The following ACSL3 variants were observed in gnomAD, a reference collection of about 807,000 sequenced individuals.
The protein encoded by ACSL3 is acyl-CoA synthetase long chain family member 3, also known as fatty acid CoA ligase Acsl3.
Under a neutral mutation model 84.7 loss-of-function variants are expected in ACSL3, and 34 were observed. The ratio of observed to expected loss-of-function variants is 0.40; its 90% confidence interval spans 0.31 to 0.53. ACSL3 has a LOEUF of 0.53. ACSL3 is among the 20% of genes least tolerant of loss of function. The probability of loss-of-function intolerance (pLI) is 0.48; values close to 1 mark genes in which losing one functional copy is unlikely to be tolerated. For missense variants in ACSL3, 680 were observed against 873.1 expected (o/e 0.78, Z 2.79); for synonymous variants, 315 against 299.4 (o/e 1.05, Z -0.54).
In ACSL3 at chr2:222,913,200, G is replaced by T. The variant is rs1034428629; in HGVS notation, c.379-3119G>T. ...TTCACTATGACATTCCTTCTAAATT[G>T]ATCCAAAAAGATAATAGAAACACTC... On this transcript the variant is annotated intron_variant, in intron 4 of 16. Coordinates refer to ENST00000357430, the MANE Select transcript of ACSL3 (RefSeq NM_004457.5). 3.3e-5 allele frequency among the ~76,000 whole-genome samples: 5 copies of T among 152,128 alleles called. 1 individual carries two copies. The highest frequency in any genetic ancestry group is 1.2e-4 in the African/African-American group (5 of 41,416).
chr2:222,938,972 T>A (rs938923323), intron 16 of ACSL3, among the ~76,000 whole-genome samples: 1 of 152,162 alleles, frequency 6.6e-6, no homozygotes, highest in Non-Finnish European at 1.5e-5. Context: ...TTTAAAAAAA[T>A]TTCTTTCATT....
chr2:222,937,723 C>T (rs966340240), intron 16 of ACSL3, among the ~76,000 whole-genome samples: 2 of 152,046 alleles, frequency 1.3e-5, no homozygotes, highest in Admixed American at 1.3e-4. Context: ...ATGGCATATA[C>T]TTGAGTCTTG....
chr2:222,932,195 G>A lies in ACSL3; in HGVS notation c.1733-971G>A, dbSNP rs553137103. Reference sequence around the variant, plus strand: ...TTTGCATTATGCATGTCTCCAGATAGGTTGTGAACTTGCAGATGGCATTGA... The same window carrying A: ...TTTGCATTATGCATGTCTCCAGATAAGTTGTGAACTTGCAGATGGCATTGA... On this transcript the variant is annotated intron_variant, in intron 14 of 16. Coordinates refer to ENST00000357430, the MANE Select transcript of ACSL3 (RefSeq NM_004457.5). Among the ~76,000 whole-genome samples the A allele has an allele frequency of 1.1e-3, 163 of 152,342 alleles. 1 individual carries two copies. Among genetic ancestry groups the A allele is most frequent in the Middle Eastern group, 3.4e-3 (1 of 294 alleles).
At chr2:222,889,187 G>A (rs1188955971) in intron 2 of ACSL3, among the ~76,000 whole-genome samples, 4 of 152,140 alleles carry the variant, frequency 2.6e-5, no homozygotes, top group African/African-American at 4.8e-5. Context: ...CTAGGTTTGT[G>A]TAGGTGAAGA....
intron 3 of ACSL3, among the ~76,000 whole-genome samples, chr2:222,906,909 C>T (rs1696308385): frequency 6.6e-6 from 1 of 152,168 alleles, no homozygotes; most frequent in Admixed American, 6.5e-5. Flanking sequence ...TGCTTACCAC[C>T]AATGTCTGTG....
chr2:222,890,247 T>C (rs1695812790), intron 2 of ACSL3, among the ~76,000 whole-genome samples: 1 of 152,144 alleles, frequency 6.6e-6, no homozygotes, highest in South Asian at 2.1e-4. Flanking sequence ...AACTGGGCTT[T>C]TGGGGGTGGG....
At chr2:222,916,287 T>G in intron 4 of ACSL3, 32 bp from the exon 5 acceptor site, 1 of 1,374,018 alleles carries the variant, frequency 7.3e-7, no homozygotes, top group Non-Finnish European at 9.6e-7. Flanking sequence ...TTATTTTGAT[T>G]ACATTAAAAA....
At chr2:222,923,607 G>T (rs1176321316) in intron 10 of ACSL3, among the ~76,000 whole-genome samples, 2 of 152,150 alleles carry the variant, frequency 1.3e-5, no homozygotes, top group East Asian at 3.8e-4. Context: ...AAGAGGGGCT[G>T]TTCATCCTTA....
intron 7 of ACSL3, 102 bp from the exon 8 acceptor site, chr2:222,921,178 C>G (rs2106128871): frequency 7.5e-7 from 1 of 1,329,670 alleles, no homozygotes; most frequent in Non-Finnish European, 1.1e-6. Flanking sequence ...GTTAAATTAA[C>G]TCAATTTGAT....
chr2:222,933,329 A>G (rs775952829), intron 15 of ACSL3, 49 bp downstream of exon 15: 14 of 1,376,788 alleles, frequency 1.0e-5, no homozygotes, highest in African/African-American at 1.4e-5. Flanking sequence ...TTTGATGTCC[A>G]TAGACATTTC....
intron 14 of ACSL3, 120 bp from the exon 15 acceptor site, chr2:222,933,046 A>T: frequency 3.3e-6 from 2 of 601,162 alleles, no homozygotes; most frequent in South Asian, 2.8e-5. Context: ...TTAATTTTGC[A>T]AAGTTTTAAA....
chr2:222,916,712 T>G (rs1696593713), intron 5 of ACSL3: 1 of 386,948 alleles, frequency 2.6e-6, no homozygotes. Flanking sequence ...CTTGAACCTC[T>G]TCATGGGAGA....
chr2:222,924,352 T>C (rs1696819262), intron 10 of ACSL3, 104 bp from the exon 11 acceptor site: 1 of 1,095,334 alleles, frequency 9.1e-7, no homozygotes, highest in Non-Finnish European at 1.2e-6. Context: ...AGAGTACTTC[T>C]TTTAAAATGC....
chr2:222,873,739 T>G (rs1432022826), intron 1 of ACSL3, among the ~76,000 whole-genome samples: 2 of 152,244 alleles, frequency 1.3e-5, no homozygotes, highest in East Asian at 3.8e-4. Context: ...AGTGGTTGTA[T>G]AATAATCTAC....
At chr2:222,904,523 G>A (rs1466156972) in intron 3 of ACSL3, 1 of 152,356 alleles carries the variant, frequency 6.6e-6, no homozygotes, top group African/African-American at 2.4e-5. Context: ...GGTCATAGTG[G>A]ACACATACTG....
At position 222,918,085 on chromosome 2, in the gene ACSL3, T is replaced by C; in HGVS notation, c.596T>C (p.Val199Ala). Residue 199 changes from valine to alanine, a missense_variant, in exon 6 of 17, where the codon GTT (valine) becomes GCT (alanine). Val to Ala is a moderately conservative substitution (Grantham distance 64). This residue lies in a region of ACSL3 where 333 missense variants were observed against 347.5 expected (regional missense o/e 0.96). Coordinates refer to ENST00000357430, the MANE Select transcript of ACSL3 (RefSeq NM_004457.5). ...LYATLGGPAIVHALNETEVTN... is the reference protein window; with the variant it reads ...LYATLGGPAIAHALNETEVTN... ...GCCACTCTAGGAGGTCCAGCCATTG[T>C]TCATGCATTAAATGAAACAGAGGTG... is the stretch of plus-strand genomic sequence containing the variant. The C allele has an allele frequency of 6.2e-7, 1 of 1,612,870 alleles. No homozygotes were observed. Among genetic ancestry groups the C allele is most frequent in the East Asian group, 2.2e-5 (1 of 44,752 alleles).
chr2:222,911,580 C>T (rs1363197240), intron 4 of ACSL3, among the ~76,000 whole-genome samples: 9 of 152,086 alleles, frequency 5.9e-5, no homozygotes, highest in South Asian at 2.1e-4. Flanking sequence ...CGTTTTTCTC[C>T]GGTATCCCAC....
intron 1 of ACSL3, among the ~76,000 whole-genome samples, chr2:222,879,780 A>T (rs1272028008): frequency 6.6e-6 from 1 of 152,206 alleles, no homozygotes; most frequent in Non-Finnish European, 1.5e-5. Flanking sequence ...ACAGTATCAC[A>T]TATGTGAAAC....
rs939066793 is a variant in ACSL3, at chr2:222,943,256, A to G, written c.*1602A>G. 1 of 167,000 alleles carries G rather than the reference A, an allele frequency of 6.0e-6. No individual in the cohort carries two copies. The highest frequency in any genetic ancestry group is 1.2e-5 in the Non-Finnish European group (1 of 84,188). 10.3% of individuals were successfully genotyped at this position (167,000 alleles called of 1,614,324 possible). A position where few individuals can be genotyped will look rare whatever the true frequency, so the allele number is the denominator to read the frequency against. Reference sequence around the variant, plus strand: ...TTGTTTTCAACTTTTCTTGTATTGTATATTTGTATTATGTTTTGAATGCTT... The same window carrying G: ...TTGTTTTCAACTTTTCTTGTATTGTGTATTTGTATTATGTTTTGAATGCTT... On this transcript the variant is annotated 3_prime_UTR_variant, in exon 17 of 17. Coordinates refer to ENST00000357430, the MANE Select transcript of ACSL3 (RefSeq NM_004457.5).
Sources: gnomAD v4.1 joint callset for allele counts (sites outside exome capture counted in the v4.1 genomes callset) on GRCh38, gnomAD v4.1.1 for gene constraint, gnomAD v4.1.1 regional missense constraint, MANE v1.5 for transcripts, NCBI Gene and HGNC (gene_info 2026-07-23, HGNC 2026-07-21) for gene names.